CASKIN1: variants seen among roughly 807,000 people sequenced by gnomAD.
CASKIN1 encodes CASK interacting protein 1.
CASKIN1 carries 42 observed loss-of-function variants against 117.5 expected under a neutral mutation model. The observed-to-expected ratio is 0.36, with a 90% CI of 0.28 to 0.46. The LOEUF (loss-of-function observed/expected upper bound fraction) is 0.46, where lower values mean the gene tolerates loss of function less well. Ranked by LOEUF, CASKIN1 falls within the 20% of genes least tolerant of loss-of-function variation. The pLI is 1.00. For synonymous variants in CASKIN1, 1,148 were observed against 961.7 expected (o/e 1.19, Z -3.59); for missense variants, 2,083 against 2,077.3 (o/e 1.00, Z -0.05).
rs1170440666 is a variant in CASKIN1 at position 2,177,665 on chromosome 16, GC to G, written c.*884del. On this transcript the variant is annotated 3_prime_UTR_variant, in exon 20 of 20. Transcript: ENST00000343516. ...AGGCACACCCTCAGAGGAGCTGCAAGCCCGTGGCCTGGCCTGCTACATGCCC... is the reference window on the plus strand; with the variant it reads ...AGGCACACCCTCAGAGGAGCTGCAAGCCGTGGCCTGGCCTGCTACATGCCC... The G allele has an allele frequency of 4.2e-6, 1 of 239,118 alleles. No individual in the cohort carries two copies. Among genetic ancestry groups the G allele is most frequent in the Non-Finnish European group, 8.2e-6 (1 of 121,354 alleles). The allele number at this position is 239,118 out of a possible 1,614,324, so 14.8% of individuals were successfully genotyped here. A position where few individuals can be genotyped will look rare whatever the true frequency, so the allele number is the denominator to read the frequency against.
rs2093158601 is a variant in CASKIN1, at chr16:2,179,446, G to A, written c.3776-121C>T. The A allele has an allele frequency of 4.3e-6, 6 of 1,381,734 alleles. No homozygotes were observed. The highest frequency in any genetic ancestry group is 5.6e-6 in the Non-Finnish European group (6 of 1,073,924). The allele number at this position is 1,381,734 out of a possible 1,614,324, so 85.6% of individuals were successfully genotyped here. On this transcript the variant is annotated intron_variant, in intron 18 of 19. Coordinates refer to ENST00000343516, the MANE Select transcript of CASKIN1 (RefSeq NM_020764.4). The surrounding 1 kb of genome is among the most constrained non-coding windows in gnomAD (Gnocchi z 5.8). ...AAAGACCCTGCTCACCTTGCCCCCAGCCCTGGATGGATGAGAGGGTCTGGG... is the reference window on the plus strand; with the variant it reads ...AAAGACCCTGCTCACCTTGCCCCCAACCCTGGATGGATGAGAGGGTCTGGG...
chr16:2,191,274 G>A (rs1259425065), intron 1 of CASKIN1, among the ~76,000 whole-genome samples: 2 of 152,220 alleles, frequency 1.3e-5, no homozygotes, highest in African/African-American at 4.8e-5. Context: ...AGGGAGTCGA[G>A]GCACAGGGCT....
chr16:2,196,343 C>T lies in CASKIN1; in HGVS notation c.90G>A (p.Lys30=). 1 of 1,288,624 alleles carries T rather than the reference C, an allele frequency of 7.8e-7. No homozygotes were observed. The highest frequency in any genetic ancestry group is 9.9e-7 in the Non-Finnish European group (1 of 1,006,222). The allele number at this position is 1,288,624 out of a possible 1,614,324, so 79.8% of individuals were successfully genotyped here. The change falls in exon 1 of 20, where the codon AAG becomes AAA. Residue 30 remains lysine, a synonymous_variant. Transcript: ENST00000343516. This position sits in a 1 kb window ranked among gnomAD's most constrained non-coding sequence, Gnocchi z 5.7. ...CCCCGCGCCCCCGGCACTCACTGGC[C>T]TTCCCGGGCCGCGGCCTCTGCAGCA... The part of the protein sequence containing the change: ...QRLLQRPRPG[K]AKLLGSTKKI...
chr16:2,180,356 G>T lies in CASKIN1; in HGVS notation c.3012C>A (p.Ile1004=). The change falls in exon 18 of 20, where the codon ATC becomes ATA. Residue 1004 remains isoleucine (I), a synonymous_variant. Transcript: ENST00000343516. ...TGGAGGACAGCTCCAGCATGGCCGC[G>T]ATGCTCTTCACACTGCCGGCACTAC... The part of the protein sequence containing the change: ...DTGSAGSVKS[I]AAMLELSSIG... 1.3e-6 allele frequency: 2 copies of T among 1,596,434 alleles called. No homozygotes were observed. Among genetic ancestry groups the T allele is most frequent in the South Asian group, 1.1e-5 (1 of 90,150 alleles).
rs764900493 is a variant in CASKIN1, at chr16:2,181,135, C to A, written c.2233G>T (p.Gly745Cys). 1 of 1,478,116 alleles carries A rather than the reference C, an allele frequency of 6.8e-7. No individual in the cohort carries two copies. The highest frequency in any genetic ancestry group is 8.9e-7 in the Non-Finnish European group (1 of 1,123,852). The allele number at this position is 1,478,116 out of a possible 1,614,324, so 91.6% of individuals were successfully genotyped here. The change falls in exon 18 of 20, where the codon GGC becomes TGC. Residue 745 changes from glycine (G) to cysteine (C), a missense_variant. Around this residue, in one of 3 missense-constraint regions of CASKIN1, gnomAD observed 1,818 missense variants for 1,688.9 expected, o/e 1.08. Coordinates refer to ENST00000343516, the MANE Select transcript of CASKIN1 (RefSeq NM_020764.4). Reference protein sequence around the residue: ...PGTPPREARPGRHGHSIKRAS... With the variant: ...PGTPPREARPCRHGHSIKRAS... The stretch of plus-strand genomic sequence containing the variant: ...CTCTTGATGCTGTGGCCGTGGCGGC[C>A]GGGCCGGGCCTCCCTGGGCGGGGTG...
chr16:2,185,549 G>A (rs543260229), intron 10 of CASKIN1, 141 bp from the exon 11 acceptor site: 27 of 684,648 alleles, frequency 3.9e-5, no homozygotes, highest in Non-Finnish European at 5.6e-5. Flanking sequence ...ATAGCCCCTC[G>A]GAAGACCCCT....
In CASKIN1 at chr16:2,181,441, C is replaced by T. The variant is rs200132110; in HGVS notation, c.1927G>A (p.Asp643Asn). Residue 643 changes from aspartate to asparagine, a missense_variant, in exon 18 of 20, where the codon GAC (aspartate) becomes AAC (asparagine). Transcript: ENST00000343516. ...SPPPPEPTPA[D>N]CQSPKMTTFQ... ...GTGGTCATTTTAGGGGACTGGCAGT[C>T]GGCCGGTGTGGGCTCAGGCGGGGGC... 2.2e-4 allele frequency: 355 copies of T among 1,612,172 alleles called. No homozygotes were observed. The East Asian group carries it at 4.4e-3, about 20-fold the overall frequency.
At chr16:2,188,194 T>A (rs556508759) in intron 6 of CASKIN1, among the ~76,000 whole-genome samples, 9 of 149,518 alleles carry the variant, frequency 6.0e-5, no homozygotes, top group Admixed American at 1.3e-4. Context: ...CTGCTTTTTT[T>A]ATAAAAAGTA....
Position 2,189,221 on chromosome 16 carries a change from C to G in CASKIN1, c.486+17G>C. On this transcript the variant is annotated intron_variant, in intron 5 of 19. Coordinates refer to ENST00000343516, the MANE Select transcript of CASKIN1 (RefSeq NM_020764.4). ...GGCTCCCCAGCCCCACCCCACAGGG[C>G]TCCACAGGAGACTCACCCCAACGCG... The G allele has an allele frequency of 1.2e-6, 2 of 1,613,058 alleles. No individual in the cohort carries two copies. The highest frequency in any genetic ancestry group is 1.7e-6 in the Non-Finnish European group (2 of 1,179,860).
At chr16:2,178,675 T>C in intron 19 of CASKIN1, 29 bp from the exon 20 acceptor site, 1 of 1,553,110 alleles carries the variant, frequency 6.4e-7, no homozygotes, top group Non-Finnish European at 8.7e-7. Flanking sequence ...GGGGCGTGAG[T>C]GGGCGGGGCG....
Position 2,182,522 on chromosome 16 carries a change from C to T in CASKIN1, c.1630-593G>A, listed in dbSNP as rs2093171220. On this transcript the variant is annotated intron_variant, in intron 16 of 19. Transcript: ENST00000343516. This position sits in a 1 kb window ranked among gnomAD's most constrained non-coding sequence, Gnocchi z 4.1. ...CAGCTGGAATTCACTCATGCAACTG[C>T]TCTTGAACACTCAGCCACCCCCAGG... Among the ~76,000 whole-genome samples, 2 of 152,168 alleles carry T rather than the reference C, an allele frequency of 1.3e-5. No individual in the cohort carries two copies. Among genetic ancestry groups the T allele is most frequent in the South Asian group, 2.1e-4 (1 of 4,820 alleles).
At chr16:2,184,326 G>T (rs2093177202) in intron 14 of CASKIN1, among the ~76,000 whole-genome samples, 1 of 152,134 alleles carries the variant, frequency 6.6e-6, no homozygotes, top group Non-Finnish European at 1.5e-5. Flanking sequence ...CCTCGGGCTG[G>T]ACCGGAAGGT....
chr16:2,192,963 G>C (rs1227076667), intron 1 of CASKIN1, among the ~76,000 whole-genome samples: 1 of 152,220 alleles, frequency 6.6e-6, no homozygotes, highest in African/African-American at 2.4e-5. Flanking sequence ...CCTGTGCTTG[G>C]CTCAGAAGGA....
rs754821296 is a variant in CASKIN1 at position 2,178,650 on chromosome 16, C to G, written c.4200-4G>C. 66 of 1,580,388 alleles carry G rather than the reference C, an allele frequency of 4.2e-5. No individual in the cohort carries two copies. The highest frequency in any genetic ancestry group is 5.6e-5 in the Non-Finnish European group (65 of 1,170,218). ...GCTCTTTTCCGCCGCCGAGTCGCTGCGGGGCGCGGGGCAAGGGGCGTGAGT... is the reference window on the plus strand; with the variant it reads ...GCTCTTTTCCGCCGCCGAGTCGCTGGGGGGCGCGGGGCAAGGGGCGTGAGT... On this transcript the variant is annotated splice_region_variant and splice_polypyrimidine_tract_variant and intron_variant, in intron 19 of 19. Transcript: ENST00000343516.
Position 2,186,888 on chromosome 16 carries a change from C to A in CASKIN1, c.931-64G>T, listed in dbSNP as rs1038433414. 1.1e-5 allele frequency: 18 copies of A among 1,600,110 alleles called. 1 individual carries two copies. In the Admixed American group the frequency reaches 1.5e-4, roughly 13 times the overall value. On this transcript the variant is annotated intron_variant, in intron 9 of 19. Transcript: ENST00000343516. ...CTTTCGCAGAGTCTCCTGCCCAGTG[C>A]CCCCCAGTTGCGGCGGGAGGGTGTT...
At position 2,181,783 on chromosome 16, in the gene CASKIN1, G is replaced by A. The variant is rs1468809241; in HGVS notation, c.1768+8C>T. 6.2e-7 allele frequency: 1 copy of A among 1,612,580 alleles called. No individual in the cohort carries two copies. The highest frequency in any genetic ancestry group is 8.5e-7 in the Non-Finnish European group (1 of 1,179,730). Reference sequence around the variant, plus strand: ...GGCTGGGGACGAGGGCTGGGGCTGGGGCCTCACCCAGCTTGGTGATGCCGA... The same window carrying A: ...GGCTGGGGACGAGGGCTGGGGCTGGAGCCTCACCCAGCTTGGTGATGCCGA... On this transcript the variant is annotated splice_region_variant and intron_variant, in intron 17 of 19. Coordinates refer to ENST00000343516, the MANE Select transcript of CASKIN1 (RefSeq NM_020764.4).
rs2093161218 is a variant in CASKIN1 at position 2,179,936 on chromosome 16, C to G, written c.3432G>C (p.Glu1144Asp). 1 of 1,606,142 alleles carries G rather than the reference C, an allele frequency of 6.2e-7. No homozygotes were observed. Among genetic ancestry groups the G allele is most frequent in the African/African-American group, 1.3e-5 (1 of 74,818 alleles). The change falls in exon 18 of 20, where the codon GAG becomes GAC. Residue 1144 changes from glutamate (E) to aspartate (D), a missense_variant. Glu to Asp is a conservative substitution (Grantham distance 45, BLOSUM62 2). Around this residue, in one of 3 missense-constraint regions of CASKIN1, gnomAD observed 1,818 missense variants for 1,688.9 expected, o/e 1.08. Coordinates refer to ENST00000343516, the MANE Select transcript of CASKIN1 (RefSeq NM_020764.4). This position sits in a 1 kb window ranked among gnomAD's most constrained non-coding sequence, Gnocchi z 5.8. ...TGGGCCTGCGCTTGACCGTGTCAGA[C>G]TCGGTCAGGATGAACTTGACGTTCT... Reference protein sequence around the residue: ...QQENVKFILTESDTVKRRPKA... With the variant: ...QQENVKFILTDSDTVKRRPKA...
At position 2,179,464 on chromosome 16, in the gene CASKIN1, G is replaced by A; in HGVS notation, c.3775+129C>T. The stretch of plus-strand genomic sequence containing the variant: ...GCCCCCAGCCCTGGATGGATGAGAG[G>A]GTCTGGGGACACGTTCCCACCCCAC... On this transcript the variant is annotated intron_variant, in intron 18 of 19. Transcript: ENST00000343516. The surrounding 1 kb of genome is among the most constrained non-coding windows in gnomAD (Gnocchi z 5.8). 4.3e-6 allele frequency: 6 copies of A among 1,394,490 alleles called. No homozygotes were observed. Among genetic ancestry groups the A allele is most frequent in the Non-Finnish European group, 3.7e-6 (4 of 1,078,138 alleles). The allele number at this position is 1,394,490 out of a possible 1,614,324, so 86.4% of individuals were successfully genotyped here. A position where few individuals can be genotyped will look rare whatever the true frequency, so the allele number is the denominator to read the frequency against.
At position 2,184,864 on chromosome 16, in the gene CASKIN1, C is replaced by A; in HGVS notation, c.1329G>T (p.Val443=). 6.4e-7 allele frequency: 1 copy of A among 1,571,602 alleles called. No individual in the cohort carries two copies. Among genetic ancestry groups the A allele is most frequent in the Non-Finnish European group, 8.6e-7 (1 of 1,156,722 alleles). Residue 443 remains valine (V), a synonymous_variant, in exon 14 of 20, where the codon GTG becomes GTT. Coordinates refer to ENST00000343516, the MANE Select transcript of CASKIN1 (RefSeq NM_020764.4). Reference sequence around the variant, plus strand: ...GGGCCACTGGAGGCTGGGACCGGGCCACACCTGAGGACGAGAGTGGGTGGG... The same window carrying A: ...GGGCCACTGGAGGCTGGGACCGGGCAACACCTGAGGACGAGAGTGGGTGGG... ...PAKPPEGSAG[V]ARSQPPVAHA...
Sources: gnomAD v4.1 joint callset for allele counts (sites outside exome capture counted in the v4.1 genomes callset) on GRCh38, gnomAD v4.1.1 for gene constraint, gnomAD v4.1.1 regional missense constraint, Gnocchi (gnomAD v3.1) non-coding constraint, MANE v1.5 for transcripts, NCBI Gene and HGNC (gene_info 2026-07-23, HGNC 2026-07-21) for gene names.